The following SDK1 variants were observed in gnomAD, a reference collection of about 807,000 sequenced individuals.
SDK1 encodes sidekick cell adhesion molecule 1, also known as protein sidekick-1.
SDK1 carries 157 observed loss-of-function variants against 245.5 expected under a neutral mutation model. The ratio of observed to expected loss-of-function variants is 0.64; its 90% confidence interval spans 0.56 to 0.73. The LOEUF is 0.73. Among genes scored for constraint, SDK1 ranks in the 30% least tolerant of loss-of-function variants. The probability of loss-of-function intolerance (pLI) is 0.00; values close to 1 mark genes in which losing one functional copy is unlikely to be tolerated. For missense variants in SDK1, 3,583 were observed against 3,002.3 expected (o/e 1.19, Z -4.52); for synonymous variants, 1,647 against 1,278.5 (o/e 1.29, Z -6.15).
intron 1 of SDK1, among the ~76,000 whole-genome samples, chr7:3,436,498 A>C (rs1780024553): frequency 6.6e-6 from 1 of 152,278 alleles, no homozygotes; most frequent in South Asian, 2.1e-4. Flanking sequence ...ACCTGAATAA[A>C]TCTGTATGCA....
intron 4 of SDK1, among the ~76,000 whole-genome samples, chr7:3,719,423 G>T (rs1785299107): frequency 6.6e-6 from 1 of 152,106 alleles, no homozygotes; most frequent in East Asian, 1.9e-4. Context: ...TCGTGACTGT[G>T]TGGTACTGGC....
chr7:3,608,880 A>C (rs1029158181), intron 1 of SDK1, among the ~76,000 whole-genome samples: 1 of 152,218 alleles, frequency 6.6e-6, no homozygotes, highest in Non-Finnish European at 1.5e-5. Flanking sequence ...AAAGGCAATT[A>C]AAATACTCCC....
intron 1 of SDK1, among the ~76,000 whole-genome samples, chr7:3,502,294 G>C (rs1051609428): frequency 2.6e-5 from 4 of 151,902 alleles, no homozygotes; most frequent in Non-Finnish European, 4.4e-5. Context: ...TTGGCCACCA[G>C]GCTGGAGTGC....
intron 1 of SDK1, among the ~76,000 whole-genome samples, chr7:3,486,413 CT>C (rs1010801501): frequency 6.6e-6 from 1 of 151,926 alleles, no homozygotes; most frequent in East Asian, 1.9e-4. Context: ...TAATTCATTT[CT>C]TTTTTTATGT....
chr7:4,062,760 C>T (rs542814666), intron 19 of SDK1, among the ~76,000 whole-genome samples: 3 of 152,210 alleles, frequency 2.0e-5, no homozygotes, highest in Admixed American at 1.3e-4. Flanking sequence ...ATACACCATG[C>T]TCATGTGAGA....
intron 1 of SDK1, among the ~76,000 whole-genome samples, chr7:3,364,536 T>A (rs1427229019): frequency 6.6e-6 from 1 of 152,232 alleles, no homozygotes; most frequent in African/African-American, 2.4e-5. Flanking sequence ...TTGAAAAGCC[T>A]ATTTTTTCTC....
chr7:3,316,049 T>G (rs922990577), intron 1 of SDK1, among the ~76,000 whole-genome samples: 1 of 152,152 alleles, frequency 6.6e-6, no homozygotes, highest in African/African-American at 2.4e-5. Context: ...ACAACTCTAA[T>G]ATAGAGTCAA....
chr7:3,649,361 C>A (rs1212904523), intron 4 of SDK1, among the ~76,000 whole-genome samples: 1 of 151,996 alleles, frequency 6.6e-6, no homozygotes. Context: ...TAAATATGTG[C>A]ACAGAAGAAA....
chr7:3,322,382 C>T (rs1179558229), intron 1 of SDK1, among the ~76,000 whole-genome samples: 1 of 152,190 alleles, frequency 6.6e-6, no homozygotes, highest in Admixed American at 6.5e-5. Flanking sequence ...ATCCATTCAT[C>T]TGTTAATGGA....
At chr7:3,319,781 G>A (rs2128546683) in intron 1 of SDK1, among the ~76,000 whole-genome samples, 1 of 149,140 alleles carries the variant, frequency 6.7e-6, no homozygotes, top group East Asian at 2.0e-4. Context: ...CATTTGAAAT[G>A]TTCTGTTTAA....
At chr7:4,005,050 T>C (rs1321283372) in intron 14 of SDK1, among the ~76,000 whole-genome samples, 1 of 141,128 alleles carries the variant, frequency 7.1e-6, no homozygotes, top group African/African-American at 2.7e-5. Context: ...TTTTTTTTTT[T>C]TTTTTTTTTT....
chr7:3,497,464 T>A (rs921994554), intron 1 of SDK1, among the ~76,000 whole-genome samples: 41 of 152,338 alleles, frequency 2.7e-4, no homozygotes, highest in African/African-American at 9.1e-4. Context: ...GTGCTATGTG[T>A]AGCTTTCCAG....
chr7:3,931,265 C>T (rs1201989778), intron 5 of SDK1, among the ~76,000 whole-genome samples: 1 of 152,106 alleles, frequency 6.6e-6, no homozygotes, highest in Non-Finnish European at 1.5e-5. Context: ...GTGGTAGTAC[C>T]CAGAATGGAA....
chr7:3,453,353 A>T (rs1459190886), intron 1 of SDK1, among the ~76,000 whole-genome samples: 1 of 152,174 alleles, frequency 6.6e-6, no homozygotes, highest in Non-Finnish European at 1.5e-5. Flanking sequence ...GTTATTCCTC[A>T]CATTTGGTAT....
intron 19 of SDK1, among the ~76,000 whole-genome samples, chr7:4,065,249 G>A (rs1006485469): frequency 1.3e-5 from 2 of 152,098 alleles, no homozygotes; most frequent in African/African-American, 2.4e-5. Flanking sequence ...CTGGAGAAAC[G>A]GCCTCCTTTT....
chr7:3,310,575 C>T (rs1779526524), intron 1 of SDK1, among the ~76,000 whole-genome samples: 1 of 152,090 alleles, frequency 6.6e-6, no homozygotes, highest in Admixed American at 6.6e-5. Context: ...GACTAGTTGG[C>T]TAGTATAACC....
In SDK1 at chr7:3,951,711, A is replaced by G. The variant is rs1474174983; in HGVS notation, c.960-19A>G. 1 of 1,610,148 alleles carries G rather than the reference A, an allele frequency of 6.2e-7. No individual in the cohort carries two copies. Among genetic ancestry groups the G allele is most frequent in the East Asian group, 2.2e-5 (1 of 44,870 alleles). On this transcript the variant is annotated intron_variant, in intron 6 of 44. Coordinates refer to ENST00000404826, the MANE Select transcript of SDK1 (RefSeq NM_152744.4). ...CCCTGAGTCACAATCGTCGTCATGAATGCCTTTCATTCCCACAGGCCTGTG... is the reference window on the plus strand; with the variant it reads ...CCCTGAGTCACAATCGTCGTCATGAGTGCCTTTCATTCCCACAGGCCTGTG...
At chr7:4,174,666 G>C (rs566425632) in intron 33 of SDK1, among the ~76,000 whole-genome samples, 1 of 152,262 alleles carries the variant, frequency 6.6e-6, no homozygotes, top group African/African-American at 2.4e-5. Context: ...TTTGGGACCT[G>C]AGATGGAGGC....
At chr7:3,586,984 A>G (rs1048527143) in intron 1 of SDK1, among the ~76,000 whole-genome samples, 3 of 152,160 alleles carry the variant, frequency 2.0e-5, no homozygotes, top group African/African-American at 7.2e-5. Flanking sequence ...TGAAGCAGAC[A>G]GCATAGTGCT....
Sources: gnomAD v4.1 joint callset for allele counts (sites outside exome capture counted in the v4.1 genomes callset) on GRCh38, gnomAD v4.1.1 for gene constraint, MANE v1.5 for transcripts, NCBI Gene and HGNC (gene_info 2026-07-23, HGNC 2026-07-21) for gene names.